SEC31B: variants seen among roughly 807,000 people sequenced by gnomAD.
SEC31B encodes the protein SEC31 homolog B, COPII component, also known as protein transport protein Sec31B.
In SEC31B, 113 loss-of-function variants were observed where a neutral mutation model predicts 135.0. That is an observed-to-expected ratio of 0.84 (90% CI 0.72 to 0.98). The LOEUF (loss-of-function observed/expected upper bound fraction) is 0.98. SEC31B is among the 50% of genes least tolerant of loss of function. The pLI, the probability that SEC31B is intolerant of heterozygous loss-of-function variation, is 0.00. For synonymous variants in SEC31B, 508 were observed against 549.4 expected, an observed-to-expected ratio of 0.92 and a Z score of 1.05; for missense variants, 1,296 against 1,421.1, an observed-to-expected ratio of 0.91 and a Z score of 1.42.
chr10:100,516,648 CAAAAAAAAAAA>C (rs59172062), intron 2 of SEC31B, among the ~76,000 whole-genome samples: 32 of 47,524 alleles, frequency 6.7e-4, no homozygotes, highest in African/African-American at 2.3e-3. Flanking sequence ...GACTCTGTCT[CAAAAAAAAAAA>C]AAAAAAAAAA....
chr10:100,500,251 C>T, intron 11 of SEC31B: 1 of 455,178 alleles, frequency 2.2e-6, no homozygotes, highest in Admixed American at 2.4e-5. Flanking sequence ...GGTCCCTATC[C>T]CATATCCTTC....
At chr10:100,508,858 G>C in intron 5 of SEC31B, 149 bp downstream of exon 5, 1 of 650,286 alleles carries the variant, frequency 1.5e-6, no homozygotes, top group East Asian at 2.7e-5. Flanking sequence ...CTCTTATCTG[G>C]CTGGTAGCAT....
At position 100,499,150 on chromosome 10, in the gene SEC31B, C is replaced by T; in HGVS notation, c.1584+10G>A. The T allele has an allele frequency of 1.9e-6, 3 of 1,612,500 alleles. No individual in the cohort carries two copies. The highest frequency in any genetic ancestry group is 2.5e-6 in the Non-Finnish European group (3 of 1,178,682). ...TACCATAGGTCAGGCTGACTGGACT[C>T]CTACCACACCTGGCTGCAGAAGGCC... On this transcript the variant is annotated intron_variant, in intron 13 of 25. Transcript: ENST00000370345.
chr10:100,508,893 C>T (rs1851683830), intron 5 of SEC31B, 114 bp downstream of exon 5: 1 of 783,186 alleles, frequency 1.3e-6, no homozygotes. Context: ...CTTTATTGCC[C>T]TCCAGTGGTA....
At chr10:100,510,781 C>T (rs1170579220) in intron 3 of SEC31B, among the ~76,000 whole-genome samples, 1 of 152,230 alleles carries the variant, frequency 6.6e-6, no homozygotes, top group Admixed American at 6.5e-5. Flanking sequence ...TGAAGCAAAA[C>T]AGCAGAGCCA....
chr10:100,489,202 A>C (rs752565560), intron 23 of SEC31B, 50 bp downstream of exon 23: 1 of 1,553,342 alleles, frequency 6.4e-7, no homozygotes, highest in East Asian at 2.3e-5. Flanking sequence ...CCTGCACCCA[A>C]GGAGGGCTGG....
intron 25 of SEC31B, 37 bp downstream of exon 25, chr10:100,487,988 AGT>A: frequency 6.3e-7 from 1 of 1,595,410 alleles, no homozygotes; most frequent in Non-Finnish European, 8.6e-7. Context: ...TGATGGTGGA[AGT>A]GTAGGAGGCA....
intron 11 of SEC31B, among the ~76,000 whole-genome samples, chr10:100,501,028 G>A (rs1304139371): frequency 1.4e-5 from 2 of 146,448 alleles, no homozygotes; most frequent in Non-Finnish European, 3.0e-5. Context: ...CCAACATGGT[G>A]AAACCCTGTC....
At chr10:100,498,274 C>T (rs1851451983) in intron 14 of SEC31B, 67 bp from the exon 15 acceptor site, 2 of 1,441,432 alleles carry the variant, frequency 1.4e-6, no homozygotes, top group East Asian at 2.3e-5. Context: ...CCCTGCAGGG[C>T]CCACAGCACA....
chr10:100,505,299 AACACAC>A (rs58897924), intron 10 of SEC31B, 56 bp downstream of exon 10: 1,265 of 1,486,676 alleles, frequency 8.5e-4, no homozygotes, highest in African/African-American at 1.7e-3. Context: ...AGGCTTCACA[AACACAC>A]ACACACACAC....
chr10:100,493,674 T>C (rs140422031), intron 19 of SEC31B, among the ~76,000 whole-genome samples: 12 of 152,276 alleles, frequency 7.9e-5, no homozygotes, highest in African/African-American at 2.9e-4. Flanking sequence ...AAATTGAGTA[T>C]CTTGATTTTG....
In SEC31B at chr10:100,497,662, C is replaced by A. The variant is rs1564649885; in HGVS notation, c.1990+5G>T. 2 of 1,614,190 alleles carry A rather than the reference C, an allele frequency of 1.2e-6. No individual in the cohort carries two copies. The highest frequency in any genetic ancestry group is 1.6e-4 in the Middle Eastern group (1 of 6,062). On this transcript the variant is annotated splice_donor_5th_base_variant and intron_variant, in intron 16 of 25. Coordinates refer to ENST00000370345, the MANE Select transcript of SEC31B (RefSeq NM_015490.4). ...TTTCATCCTGAAGCCTGGGACCACA[C>A]TTACCACAGAGCTCGGGAAATTTCT...
intron 13 of SEC31B, 114 bp downstream of exon 13, chr10:100,499,046 C>T (rs2133682145): frequency 2.3e-6 from 2 of 854,964 alleles, no homozygotes; most frequent in East Asian, 2.6e-5. Flanking sequence ...CTGAAGACTT[C>T]TACAGACGCT....
At chr10:100,514,731 G>A (rs936302353) in intron 3 of SEC31B, among the ~76,000 whole-genome samples, 2 of 152,076 alleles carry the variant, frequency 1.3e-5, no homozygotes, top group Non-Finnish European at 2.9e-5. Context: ...TGCACAAGGA[G>A]TTCATCAATC....
intron 2 of SEC31B, among the ~76,000 whole-genome samples, chr10:100,516,648 C>CAAAAAAAAAAAAAAAAAAAAAAAAAAA (rs59172062): frequency 2.1e-5 from 1 of 47,508 alleles, no homozygotes; most frequent in Non-Finnish European, 4.0e-5. Flanking sequence ...GACTCTGTCT[C>CAAAAAAAAAAAAAAAAAAAAAAAAAAA]AAAAAAAAAA....
chr10:100,509,085 T>G lies in SEC31B; in HGVS notation c.417A>C (p.Ser139=), dbSNP rs1326725221. The change falls in exon 5 of 26, where the codon TCA becomes TCC. Residue 139 remains serine (S), a synonymous_variant. Transcript: ENST00000370345. ...TGAAGATTTCAGAATCGCTGGCCCC[T>G]GAAGCCAGGAGGTTGCCCTGTATGA... ...LNPFQGNLLA[S]GASDSEIFIW... The G allele has an allele frequency of 6.2e-7, 1 of 1,614,058 alleles. No individual in the cohort carries two copies. The highest frequency in any genetic ancestry group is 1.1e-5 in the South Asian group (1 of 91,076).
chr10:100,487,449 A>G lies in SEC31B; in HGVS notation c.*167T>C. 1.5e-6 allele frequency: 1 copy of G among 653,980 alleles called. No individual in the cohort carries two copies. The highest frequency in any genetic ancestry group is 1.9e-5 in the South Asian group (1 of 51,888). The allele number at this position is 653,980 out of a possible 1,614,324, so 40.5% of individuals were successfully genotyped here. ...TAGAAGGCCAGACATAAAGGAGTAA[A>G]AAGCAGGCACTCAGCTGGTTTGGAG... On this transcript the variant is annotated 3_prime_UTR_variant, in exon 26 of 26. Coordinates refer to ENST00000370345, the MANE Select transcript of SEC31B (RefSeq NM_015490.4).
At chr10:100,512,740 G>A (rs1851758166) in intron 3 of SEC31B, among the ~76,000 whole-genome samples, 1 of 152,048 alleles carries the variant, frequency 6.6e-6, no homozygotes, top group Non-Finnish European at 1.5e-5. Context: ...TATAGGAAGA[G>A]GTTTAAAAAT....
intron 19 of SEC31B, among the ~76,000 whole-genome samples, chr10:100,492,586 G>T (rs985632571): frequency 6.6e-6 from 1 of 152,152 alleles, no homozygotes; most frequent in Non-Finnish European, 1.5e-5. Flanking sequence ...GCATAAGAAA[G>T]AAATTAAATG....
Sources: allele counts gnomAD v4.1 joint callset (sites outside exome capture counted in the v4.1 genomes callset), GRCh38; gene constraint gnomAD v4.1.1; transcripts MANE v1.5; gene names NCBI Gene and HGNC (gene_info 2026-07-23, HGNC 2026-07-21).